OBI1: variants seen among roughly 807,000 people sequenced by gnomAD.
The protein encoded by OBI1 is ORC ubiquitin ligase 1, also known as ring finger protein 219.
A neutral mutation model predicts 62.4 loss-of-function variants in OBI1; 59 were observed. That is an observed-to-expected ratio of 0.95 (90% CI 0.77 to 1.17). The LOEUF (loss-of-function observed/expected upper bound fraction) is 1.17. Ranked by LOEUF, OBI1 falls within the 50% of genes most tolerant of loss-of-function variation. OBI1 has a pLI of 0.00. For synonymous variants in OBI1, 302 were observed against 292.8 expected, an observed-to-expected ratio of 1.03 and a Z score of -0.32; for missense variants, 875 against 830.9, an observed-to-expected ratio of 1.05 and a Z score of -0.65.
Position 78,627,794 on chromosome 13 carries a change from C to T in OBI1, c.638+7316G>A, listed in dbSNP as rs558346951. Among the ~76,000 whole-genome samples, 35 of 152,266 alleles carry T rather than the reference C, an allele frequency of 2.3e-4. No individual in the cohort carries two copies. In the South Asian group the frequency reaches 3.1e-3, roughly 14 times the overall value. On this transcript the variant is annotated intron_variant, in intron 5 of 5. Coordinates refer to ENST00000282003, the MANE Select transcript of OBI1 (RefSeq NM_024546.4). Reference sequence around the variant, plus strand: ...TTATTTTGTCTTCCCATTCTTTATACGACACATCATGTCAAGGTAATAGAT... The same window carrying T: ...TTATTTTGTCTTCCCATTCTTTATATGACACATCATGTCAAGGTAATAGAT...
At chr13:78,629,139 G>C (rs1420643001) in intron 5 of OBI1, among the ~76,000 whole-genome samples, 3 of 152,094 alleles carry the variant, frequency 2.0e-5, no homozygotes, top group Non-Finnish European at 2.9e-5. Context: ...AGAGTATCTA[G>C]AGCCTTTATC....
At chr13:78,658,988 C>G (rs536658147) in intron 1 of OBI1, 61 bp downstream of exon 1, 3 of 1,485,198 alleles carry the variant, frequency 2.0e-6, no homozygotes, top group Non-Finnish European at 2.8e-6. Flanking sequence ...AGACGGCCCT[C>G]GGCCCCGGCG....
chr13:78,615,275 CAA>C lies in OBI1; in HGVS notation c.*303_*304del, dbSNP rs1875222021. 1 of 243,570 alleles carries C rather than the reference CAA, an allele frequency of 4.1e-6. No individual in the cohort carries two copies. The highest frequency in any genetic ancestry group is 1.1e-4 in the South Asian group (1 of 8,730). The allele number at this position is 243,570 out of a possible 1,614,324, so 15.1% of individuals were successfully genotyped here. On this transcript the variant is annotated 3_prime_UTR_variant, in exon 6 of 6. Transcript: ENST00000282003. Reference sequence around the variant, plus strand: ...ATGTATATCCAACCGAGATACATATCAAATTCAGTAAAAAAACAAAACCAAAA... The same window carrying C: ...ATGTATATCCAACCGAGATACATATCATTCAGTAAAAAAACAAAACCAAAA...
At chr13:78,656,349 C>T (rs953336999) in intron 1 of OBI1, among the ~76,000 whole-genome samples, 3 of 139,244 alleles carry the variant, frequency 2.2e-5, no homozygotes, top group Middle Eastern at 3.6e-3. Context: ...TTTGGGAGGC[C>T]GAGGCGGGCA....
At chr13:78,638,484 G>A (rs1356824812) in intron 4 of OBI1, among the ~76,000 whole-genome samples, 1 of 152,136 alleles carries the variant, frequency 6.6e-6, no homozygotes, top group Non-Finnish European at 1.5e-5. Flanking sequence ...AGGGGAAGTC[G>A]CTGATATAAG....
intron 1 of OBI1, among the ~76,000 whole-genome samples, chr13:78,654,161 T>C (rs974404737): frequency 1.3e-5 from 2 of 152,102 alleles, no homozygotes; most frequent in Admixed American, 1.3e-4. Flanking sequence ...CAGAAATGCT[T>C]TGGGATAAAC....
intron 2 of OBI1, 135 bp downstream of exon 2, chr13:78,644,727 A>G (rs906381458): frequency 1.0e-6 from 1 of 952,872 alleles, no homozygotes; most frequent in Non-Finnish European, 1.6e-6. Context: ...ACATTACACA[A>G]ATTACTCAAC....
At chr13:78,623,747 T>C (rs1875583781) in intron 5 of OBI1, among the ~76,000 whole-genome samples, 1 of 152,204 alleles carries the variant, frequency 6.6e-6, no homozygotes, top group Non-Finnish European at 1.5e-5. Context: ...TATTGGTACA[T>C]ACATTGGCTA....
At chr13:78,617,711 C>T (rs1875360670) in intron 5 of OBI1, among the ~76,000 whole-genome samples, 2 of 152,068 alleles carry the variant, frequency 1.3e-5, no homozygotes, top group Non-Finnish European at 2.9e-5. Context: ...CTTTTCAGAG[C>T]ACTGGCCTTT....
chr13:78,648,227 A>G (rs1876442307), intron 1 of OBI1, among the ~76,000 whole-genome samples: 1 of 152,060 alleles, frequency 6.6e-6, no homozygotes, highest in East Asian at 1.9e-4. Flanking sequence ...TTAAGAGCAC[A>G]AAAATCCCAA....
At chr13:78,620,651 T>A in intron 5 of OBI1, 1 of 456,566 alleles carries the variant, frequency 2.2e-6, no homozygotes, top group South Asian at 1.5e-5. Flanking sequence ...CTTGTCCAAA[T>A]AGCTCTAAGA....
At position 78,615,863 on chromosome 13, in the gene OBI1, C is replaced by T; in HGVS notation, c.1898G>A (p.Cys633Tyr). The T allele has an allele frequency of 5.0e-6, 8 of 1,614,058 alleles. No individual in the cohort carries two copies. The highest frequency in any genetic ancestry group is 6.8e-6 in the Non-Finnish European group (8 of 1,180,006). ...GGGTTTGATTTCATTAGTTACTGGA[C>T]AAGAACTGGAATGGAGTGAAAAATC... ...NEDFSLHSSS[C>Y]PVTNEIKPPS... is the part of the protein sequence containing the mutation. Residue 633 changes from cysteine to tyrosine, a missense_variant, in exon 6 of 6, where the codon TGT becomes TAT. Transcript: ENST00000282003.
chr13:78,620,230 T>C (rs1875464342), intron 5 of OBI1, among the ~76,000 whole-genome samples: 1 of 152,254 alleles, frequency 6.6e-6, no homozygotes, highest in Non-Finnish European at 1.5e-5. Flanking sequence ...TCTGATGCTA[T>C]ACTTCCATAG....
rs185875243 is a variant in OBI1 at position 78,647,897 on chromosome 13, A to C, written c.73-2900T>G. On this transcript the variant is annotated intron_variant, in intron 1 of 5. Transcript: ENST00000282003. ...TTATGAACACTAACCCAAGAAAACT[A>C]AACAAAGATAATCTGGAATAGATTT... Among the ~76,000 whole-genome samples, 35 of 152,340 alleles carry C rather than the reference A, an allele frequency of 2.3e-4. No homozygotes were observed. In the East Asian group the frequency reaches 3.3e-3, roughly 14 times the overall value.
chr13:78,629,578 A>G (rs1238379692), intron 5 of OBI1, among the ~76,000 whole-genome samples: 1 of 152,134 alleles, frequency 6.6e-6, no homozygotes, highest in Non-Finnish European at 1.5e-5. Context: ...TCAAGTTAAA[A>G]AAGTCACTAA....
At position 78,616,306 on chromosome 13, in the gene OBI1, C is replaced by A; in HGVS notation, c.1455G>T (p.Gly485=). ...AQNLDFESSE[G]NTIANSVGEI... is the part of the protein sequence containing the mutation. Reference sequence around the variant, plus strand: ...CTCCAACAGAATTTGCTATCGTGTTCCCCTCTGAACTTTCAAAATCTAAGT... The same window carrying A: ...CTCCAACAGAATTTGCTATCGTGTTACCCTCTGAACTTTCAAAATCTAAGT... Residue 485 remains glycine (G), a synonymous_variant, in exon 6 of 6, where the codon GGG becomes GGT. Coordinates refer to ENST00000282003, the MANE Select transcript of OBI1 (RefSeq NM_024546.4). 6.2e-7 allele frequency: 1 copy of A among 1,614,052 alleles called. No individual in the cohort carries two copies. Among genetic ancestry groups the A allele is most frequent in the Non-Finnish European group, 8.5e-7 (1 of 1,179,926 alleles).
Position 78,615,490 on chromosome 13 carries a change from T to G in OBI1, c.*90A>C. ...TGACTAAAGATTATCAATTCCAATTTGTATAGAACTTTTATGAGGAAAAAA... is the reference window on the plus strand; with the variant it reads ...TGACTAAAGATTATCAATTCCAATTGGTATAGAACTTTTATGAGGAAAAAA... On this transcript the variant is annotated 3_prime_UTR_variant, in exon 6 of 6. Transcript: ENST00000282003. 1.1e-6 allele frequency: 1 copy of G among 920,854 alleles called. No homozygotes were observed. 57.0% of individuals were successfully genotyped at this position (920,854 alleles called of 1,614,324 possible).
chr13:78,635,870 C>T lies in OBI1; in HGVS notation c.550-672G>A, dbSNP rs962985145. On this transcript the variant is annotated intron_variant, in intron 4 of 5. Transcript: ENST00000282003. ...CTCCACCTCCAGGGTTCAGGTGATT[C>T]TCCTGTCTCAGCCTCCCGAAGAGCT... Among the ~76,000 whole-genome samples the T allele has an allele frequency of 2.0e-5, 3 of 152,136 alleles. No homozygotes were observed. The South Asian group carries it at 6.2e-4, about 32-fold the overall frequency.
intron 1 of OBI1, among the ~76,000 whole-genome samples, chr13:78,656,730 G>GC (rs1491280146): frequency 1.4e-4 from 2 of 14,286 alleles, no homozygotes; most frequent in Admixed American, 7.9e-4. Flanking sequence ...CATGGTACCT[G>GC]GGGGGGGGGG....
Sources: gnomAD v4.1 joint callset for allele counts (sites outside exome capture counted in the v4.1 genomes callset) on GRCh38, gnomAD v4.1.1 for gene constraint, MANE v1.5 for transcripts, NCBI Gene and HGNC (gene_info 2026-07-23, HGNC 2026-07-21) for gene names.